Variants in RTL4 observed in about 807,000 individuals in gnomAD.
RTL4 encodes the protein retrotransposon Gag like 4.
A neutral mutation model predicts 5.3 loss-of-function variants in RTL4; 4 were observed. The observed-to-expected ratio is 0.75, with a 90% CI of 0.37 to 1.72. The LOEUF (loss-of-function observed/expected upper bound fraction) is 1.72, where lower values mean the gene tolerates loss of function less well. Among genes scored for constraint, RTL4 ranks in the 40% most tolerant of loss-of-function variants. RTL4 has a pLI of 0.04. For missense variants in RTL4, 260 were observed against 227.1 expected (o/e 1.14, Z -0.93); for synonymous variants, 98 against 87.3 (o/e 1.12, Z -0.68).
At chrX:112,353,889 C>A in the RTL4 span, among the ~76,000 whole-genome samples, 1 of 110,543 alleles carries the variant, frequency 9.0e-6, no homozygotes, top group Non-Finnish European at 1.9e-5. Flanking sequence ...GTTAGAATGT[C>A]CAGAAAGGGA....
chrX:112,336,635 T>A, the RTL4 span, among the ~76,000 whole-genome samples: 2 of 112,509 alleles, frequency 1.8e-5, no homozygotes, highest in Non-Finnish European at 3.7e-5. Flanking sequence ...GATAATCAAT[T>A]AAAATAAAAA....
At chrX:112,120,739 A>G in the RTL4 span, among the ~76,000 whole-genome samples, 14 of 111,502 alleles carry the variant, frequency 1.3e-4, no homozygotes, top group African/African-American at 4.6e-4. Flanking sequence ...GCCGAAAAGT[A>G]TGTTAAAAAT....
chrX:112,378,233 G>T, the RTL4 span, among the ~76,000 whole-genome samples: 1 of 111,007 alleles, frequency 9.0e-6, no homozygotes, highest in Non-Finnish European at 1.9e-5. Context: ...GTTGGCTGAG[G>T]GGTGAGGAAA....
the RTL4 span, among the ~76,000 whole-genome samples, chrX:112,225,186 C>T: frequency 2.7e-5 from 3 of 111,643 alleles, no homozygotes; most frequent in African/African-American, 9.8e-5. Context: ...CATTTATCTG[C>T]CTTTTGACTT....
chrX:112,326,177 C>T, the RTL4 span, among the ~76,000 whole-genome samples: 2 of 111,812 alleles, frequency 1.8e-5, no homozygotes, highest in South Asian at 3.7e-4. Flanking sequence ...GGAACAGTTC[C>T]AGTCTACAGC....
At chrX:112,424,741 T>C in the RTL4 span, among the ~76,000 whole-genome samples, 1 of 111,281 alleles carries the variant, frequency 9.0e-6, no homozygotes, top group Non-Finnish European at 1.9e-5. Context: ...AATATTTTAC[T>C]GAAGTTGGTT....
the RTL4 span, among the ~76,000 whole-genome samples, chrX:112,187,665 C>A: frequency 1.8e-5 from 2 of 111,776 alleles, no homozygotes; most frequent in Admixed American, 9.5e-5. Flanking sequence ...TAACTAAGGA[C>A]AAACCTACCC....
chrX:112,157,798 T>C, the RTL4 span, among the ~76,000 whole-genome samples: 1 of 112,114 alleles, frequency 8.9e-6, no homozygotes, highest in Admixed American at 9.5e-5. Context: ...TAGTCTCTGT[T>C]CTTCAGCTAT....
At chrX:112,324,902 T>A in the RTL4 span, among the ~76,000 whole-genome samples, 1 of 111,605 alleles carries the variant, frequency 9.0e-6, no homozygotes, top group Non-Finnish European at 1.9e-5. Context: ...CTATTTTTGT[T>A]GTTGTTGATC....
chrX:112,201,257 G>C, the RTL4 span, among the ~76,000 whole-genome samples: 1 of 111,083 alleles, frequency 9.0e-6, no homozygotes, highest in Non-Finnish European at 1.9e-5. Context: ...ACCTCCACCT[G>C]GTCTCTCCAT....
At chrX:112,206,965 T>C in the RTL4 span, among the ~76,000 whole-genome samples, 2 of 111,860 alleles carry the variant, frequency 1.8e-5, no homozygotes, top group South Asian at 7.5e-4. Flanking sequence ...CCTCTCACAA[T>C]TCACATGCAA....
At chrX:112,456,440 C>A (rs1569330216) in exon 1 of RTL4, 1 of 308,242 alleles carries the variant, frequency 3.2e-6, no homozygotes, top group Admixed American at 6.1e-5. Context: ...CCAATTCCAA[C>A]TTATTCCTCT....
chrX:112,098,353 C>T, the RTL4 span, among the ~76,000 whole-genome samples: 1 of 111,283 alleles, frequency 9.0e-6, no homozygotes, highest in African/African-American at 3.3e-5. Context: ...TTAATCTAGT[C>T]TATCATTGTT....
chrX:112,377,772 T>C, the RTL4 span, among the ~76,000 whole-genome samples: 2 of 111,913 alleles, frequency 1.8e-5, no homozygotes, highest in South Asian at 7.4e-4. Flanking sequence ...CACACTATGG[T>C]ATTCAAGATA....
the RTL4 span, among the ~76,000 whole-genome samples, chrX:112,412,948 A>G: frequency 9.5e-6 from 1 of 105,560 alleles, no homozygotes; most frequent in East Asian, 3.1e-4. Context: ...ATACATGTAA[A>G]CTATCCATCT....
At chrX:112,196,244 T>G in the RTL4 span, among the ~76,000 whole-genome samples, 1 of 111,957 alleles carries the variant, frequency 8.9e-6, no homozygotes, top group Non-Finnish European at 1.9e-5. Flanking sequence ...ATGCAGTATG[T>G]AACCATTGGG....
the RTL4 span, among the ~76,000 whole-genome samples, chrX:112,114,955 G>A: frequency 5.4e-5 from 6 of 111,213 alleles, no homozygotes; most frequent in South Asian, 3.8e-4. Context: ...ATCAGAGAGC[G>A]AATATTGGGG....
chrX:112,244,261 C>A, the RTL4 span, among the ~76,000 whole-genome samples: 4 of 111,728 alleles, frequency 3.6e-5, no homozygotes, highest in South Asian at 3.8e-4. Flanking sequence ...TGTTAATGTT[C>A]TGTCTTGTTG....
At chrX:112,271,176 C>G in the RTL4 span, among the ~76,000 whole-genome samples, 1 of 110,430 alleles carries the variant, frequency 9.1e-6, no homozygotes, top group Non-Finnish European at 1.9e-5. Context: ...TTAAGGAAAA[C>G]AAGAAGGGCT....
Sources: gnomAD v4.1 joint callset for allele counts (sites outside exome capture counted in the v4.1 genomes callset) on GRCh38, gnomAD v4.1.1 for gene constraint, MANE v1.5 for transcripts, NCBI Gene and HGNC (gene_info 2026-07-23, HGNC 2026-07-21) for gene names.